Variants in MCTP2 observed in about 807,000 individuals in gnomAD.
The protein encoded by MCTP2 is multiple C2 and transmembrane domain containing 2.
In MCTP2, 132 loss-of-function variants were observed where a neutral mutation model predicts 111.6. The ratio of observed to expected loss-of-function variants is 1.18; its 90% CI spans 1.03 to 1.37. The LOEUF (loss-of-function observed/expected upper bound fraction) is 1.37. MCTP2 is among the 40% of genes most tolerant of loss of function. MCTP2 has a pLI of 0.00. For synonymous variants in MCTP2, 395 were observed against 387.7 expected (o/e 1.02, Z -0.22); for missense variants, 1,183 against 1,067.9 (o/e 1.11, Z -1.50).
At chr15:94,270,641 T>G (rs2073860096) in intron 1 of MCTP2, among the ~76,000 whole-genome samples, 1 of 152,090 alleles carries the variant, frequency 6.6e-6, no homozygotes, top group Non-Finnish European at 1.5e-5. Context: ...TATCCCCCTC[T>G]CCTGGCCTTC....
intron 7 of MCTP2, among the ~76,000 whole-genome samples, chr15:94,344,404 A>C (rs1198646910): frequency 6.6e-6 from 1 of 152,210 alleles, no homozygotes; most frequent in East Asian, 1.9e-4. Flanking sequence ...AATTTATCCA[A>C]GTTGTAACAA....
At chr15:94,387,040 A>G (rs1290495220) in intron 14 of MCTP2, among the ~76,000 whole-genome samples, 1 of 152,022 alleles carries the variant, frequency 6.6e-6, no homozygotes. Context: ...TCTACCTCGT[A>G]TTTTGAAGGA....
chr15:94,456,195 T>G (rs2084824604), intron 19 of MCTP2, among the ~76,000 whole-genome samples: 1 of 152,232 alleles, frequency 6.6e-6, no homozygotes, highest in Admixed American at 6.5e-5. Flanking sequence ...TTTAGCCTAG[T>G]CTTTGGATAT....
chr15:94,349,626 C>T (rs1299558322), intron 8 of MCTP2, among the ~76,000 whole-genome samples: 1 of 151,970 alleles, frequency 6.6e-6, no homozygotes. Flanking sequence ...CGAGACCATC[C>T]TGGTTAACAT....
chr15:94,353,086 T>C (rs1567503177), intron 8 of MCTP2, among the ~76,000 whole-genome samples: 1 of 152,204 alleles, frequency 6.6e-6, no homozygotes, highest in Non-Finnish European at 1.5e-5. Flanking sequence ...TAAATACTTC[T>C]CCTGCCCTCC....
Position 94,358,478 on chromosome 15 carries a change from C to A in MCTP2, c.1171-4C>A. ...AATAAATATTATAACTGCATGTTTT[C>A]TAGACACTGTGTAAGAGTGCAAATC... On this transcript the variant is annotated splice_polypyrimidine_tract_variant and splice_region_variant and intron_variant, in intron 9 of 22. Transcript: ENST00000357742. 1 of 1,610,778 alleles carries A rather than the reference C, an allele frequency of 6.2e-7. No individual in the cohort carries two copies. The highest frequency in any genetic ancestry group is 8.5e-7 in the Non-Finnish European group (1 of 1,178,442).
chr15:94,398,393 A>T (rs779085636), intron 14 of MCTP2, among the ~76,000 whole-genome samples: 1 of 152,230 alleles, frequency 6.6e-6, no homozygotes, highest in Non-Finnish European at 1.5e-5. Context: ...TATCCAGTTT[A>T]TTCTAATGTT....
chr15:94,338,572 G>A (rs562115012), intron 4 of MCTP2, among the ~76,000 whole-genome samples: 21 of 149,732 alleles, frequency 1.4e-4, no homozygotes, highest in African/African-American at 4.2e-4. Flanking sequence ...TGCTTTGGGC[G>A]GAGTGACTGG....
intron 20 of MCTP2, among the ~76,000 whole-genome samples, chr15:94,460,691 C>T (rs746229566): frequency 9.9e-5 from 15 of 152,182 alleles, no homozygotes; most frequent in Non-Finnish European, 1.8e-4. Context: ...GCTCCCAACC[C>T]TGCAGTGCTT....
At chr15:94,351,785 G>C (rs1484234283) in intron 8 of MCTP2, among the ~76,000 whole-genome samples, 2 of 152,186 alleles carry the variant, frequency 1.3e-5, no homozygotes, top group African/African-American at 4.8e-5. Flanking sequence ...GTATTGCTTG[G>C]CATCGTCAGT....
intron 1 of MCTP2, among the ~76,000 whole-genome samples, chr15:94,254,979 A>C (rs557048647): frequency 6.6e-6 from 1 of 152,298 alleles, no homozygotes; most frequent in Admixed American, 6.5e-5. Context: ...TGTGTTACGC[A>C]TGGGAAAGGT....
intron 4 of MCTP2, among the ~76,000 whole-genome samples, chr15:94,336,263 G>C (rs2077355325): frequency 6.6e-6 from 1 of 152,092 alleles, no homozygotes; most frequent in African/African-American, 2.4e-5. Flanking sequence ...ATCCACCCAT[G>C]TTTCAACTCC....
chr15:94,330,119 C>G (rs2077064373), intron 4 of MCTP2, among the ~76,000 whole-genome samples: 1 of 152,212 alleles, frequency 6.6e-6, no homozygotes, highest in African/African-American at 2.4e-5. Flanking sequence ...CATGTCATTG[C>G]AAATGGCAGG....
intron 17 of MCTP2, among the ~76,000 whole-genome samples, chr15:94,434,480 T>TA (rs1466696660): frequency 8.5e-5 from 13 of 152,188 alleles, no homozygotes; most frequent in African/African-American, 3.1e-4. Context: ...CCTTTTTTCT[T>TA]AGAAGTCTTA....
intron 1 of MCTP2, among the ~76,000 whole-genome samples, chr15:94,258,063 A>T (rs1458198994): frequency 4.8e-5 from 6 of 124,042 alleles, no homozygotes; most frequent in Admixed American, 1.8e-4. Flanking sequence ...TTTAGTAGAG[A>T]TGAGGTTTTA....
intron 20 of MCTP2, among the ~76,000 whole-genome samples, chr15:94,469,629 A>G (rs1028490022): frequency 2.0e-5 from 3 of 152,172 alleles, no homozygotes; most frequent in Admixed American, 1.3e-4. Flanking sequence ...GCACTTTGGG[A>G]GGTCAAGGCA....
chr15:94,385,992 A>T (rs184070326), intron 14 of MCTP2, among the ~76,000 whole-genome samples: 2 of 152,336 alleles, frequency 1.3e-5, no homozygotes, highest in African/African-American at 4.8e-5. Flanking sequence ...TCTTTTTAGC[A>T]GTCATGTTTG....
At chr15:94,336,960 A>T (rs1055416597) in intron 4 of MCTP2, among the ~76,000 whole-genome samples, 2 of 152,048 alleles carry the variant, frequency 1.3e-5, no homozygotes, top group Admixed American at 1.3e-4. Flanking sequence ...CCACACTACT[A>T]CAAGAGCCTC....
At chr15:94,302,796 C>A (rs766113954) in intron 2 of MCTP2, among the ~76,000 whole-genome samples, 1 of 152,066 alleles carries the variant, frequency 6.6e-6, no homozygotes, top group African/African-American at 2.4e-5. Context: ...GGTCTTTTGT[C>A]GTCTCACATG....
Sources: gnomAD v4.1 joint callset for allele counts (sites outside exome capture counted in the v4.1 genomes callset) on GRCh38, gnomAD v4.1.1 for gene constraint, MANE v1.5 for transcripts, NCBI Gene and HGNC (gene_info 2026-07-23, HGNC 2026-07-21) for gene names.